The following MRPL43 variants were observed in gnomAD, a reference collection of about 807,000 sequenced individuals.
MRPL43 encodes large ribosomal subunit protein mL43.
Under a neutral mutation model 12.7 loss-of-function variants are expected in MRPL43, and 9 were observed. The observed-to-expected ratio is 0.71, with a 90% CI of 0.43 to 1.24. The LOEUF (loss-of-function observed/expected upper bound fraction) is 1.24. MRPL43 is among the 50% of genes most tolerant of loss of function. The probability of loss-of-function intolerance (pLI) is 0.00; values close to 1 mark genes in which losing one functional copy is unlikely to be tolerated. For synonymous variants in MRPL43, 116 were observed against 96.4 expected (o/e 1.20, Z -1.19); for missense variants, 211 against 229.2 (o/e 0.92, Z 0.51).
downstream of MRPL43, chr10:100,980,808 T>C (rs1851033039): frequency 8.3e-6 from 13 of 1,560,138 alleles, no homozygotes; most frequent in Non-Finnish European, 1.1e-5. Context: ...CCAACTGTCC[T>C]ATCTGGCTCC....
downstream of MRPL43, chr10:100,984,896 G>C (rs960318556): frequency 6.1e-6 from 9 of 1,463,798 alleles, no homozygotes; most frequent in Middle Eastern, 5.3e-4. Flanking sequence ...GAGTATGAGA[G>C]ACAGAGCTCC....
chr10:100,984,910 C>T, downstream of MRPL43: 1 of 1,453,794 alleles, frequency 6.9e-7, no homozygotes, highest in South Asian at 1.4e-5. Context: ...GAGCTCCAGG[C>T]ATGTCCCATC....
chr10:100,986,089 T>C (rs775966465), downstream of MRPL43, among the ~76,000 whole-genome samples: 45 of 152,310 alleles, frequency 3.0e-4, no homozygotes, highest in Middle Eastern at 6.8e-3. Context: ...CAGAGAAAGC[T>C]TGTCAGCCAG....
rs759053574 is a variant in MRPL43, at chr10:100,986,976, C to T, written c.239-1G>A. 6.2e-7 allele frequency: 1 copy of T among 1,606,304 alleles called. No homozygotes were observed. The highest frequency in any genetic ancestry group is 8.5e-7 in the Non-Finnish European group (1 of 1,179,898). ...CTCTCCTCGCGCACAGCCCCGTTAA[C>T]TGGCAGAAGAGGGGTGAGAGTGGGT... On this transcript the variant is annotated splice_acceptor_variant, in intron 2 of 2. Transcript: ENST00000318364. LOFTEE classifies it high-confidence loss of function.
downstream of MRPL43, chr10:100,981,218 G>C: frequency 1.9e-6 from 3 of 1,614,246 alleles, no homozygotes; most frequent in Non-Finnish European, 2.5e-6. Flanking sequence ...TGTGAGAGCA[G>C]CAGGGATACA....
chr10:100,987,199 A>G lies in MRPL43; in HGVS notation c.132-3T>C, dbSNP rs774135324. On this transcript the variant is annotated splice_region_variant and splice_polypyrimidine_tract_variant and intron_variant, in intron 1 of 2. Coordinates refer to ENST00000318364, the MANE Select transcript of MRPL43 (RefSeq NM_032112.3). Reference sequence around the variant, plus strand: ...TCACCTCCCGCTCCACGAACTCCCTAAGCGACCCGGGACAGTGAGCAGTAT... The same window carrying G: ...TCACCTCCCGCTCCACGAACTCCCTGAGCGACCCGGGACAGTGAGCAGTAT... 70 of 1,613,528 alleles carry G rather than the reference A, an allele frequency of 4.3e-5. No individual in the cohort carries two copies. The highest frequency in any genetic ancestry group is 5.9e-5 in the Non-Finnish European group (70 of 1,179,996).
chr10:100,984,839 T>C, downstream of MRPL43: 2 of 1,508,482 alleles, frequency 1.3e-6, no homozygotes, highest in Non-Finnish European at 1.8e-6. Flanking sequence ...TCCCTTCCTG[T>C]GTGGCCCTTG....
downstream of MRPL43, among the ~76,000 whole-genome samples, chr10:100,982,874 G>C (rs1851172594): frequency 1.3e-5 from 2 of 152,236 alleles, no homozygotes; most frequent in African/African-American, 4.8e-5. Flanking sequence ...TGTGTGGCTG[G>C]TGGTGCCATT....
chr10:100,980,092 G>A (rs779373894), downstream of MRPL43: 12 of 1,613,030 alleles, frequency 7.4e-6, no homozygotes, highest in East Asian at 6.7e-5. Context: ...GTGGAGTCCC[G>A]AGGTTCACCA....
At chr10:100,981,410 T>C, downstream of MRPL43, 1 of 1,613,624 alleles carries the variant, frequency 6.2e-7, no homozygotes, top group Non-Finnish European at 8.5e-7. Flanking sequence ...CCCAAATGAA[T>C]TATAAACTAG....
At chr10:100,986,229 G>A (rs930194971), downstream of MRPL43, 5 of 1,097,722 alleles carry the variant, frequency 4.6e-6, no homozygotes, top group South Asian at 4.6e-5. Flanking sequence ...TGAAAACTGA[G>A]GCTTGTGCTT....
downstream of MRPL43, chr10:100,984,813 C>T (rs1431132181): frequency 6.5e-7 from 1 of 1,532,200 alleles, no homozygotes; most frequent in Admixed American, 2.0e-5. Context: ...GGTAAGACTG[C>T]ATCACTCCCC....
In MRPL43 at chr10:100,986,529, T is replaced by C. The variant is rs1248453854; in HGVS notation, c.*205A>G. The C allele has an allele frequency of 6.4e-7, 1 of 1,553,238 alleles. No homozygotes were observed. Among genetic ancestry groups the C allele is most frequent in the East Asian group, 2.4e-5 (1 of 40,964 alleles). On this transcript the variant is annotated 3_prime_UTR_variant, in exon 3 of 3. Transcript: ENST00000318364. Reference sequence around the variant, plus strand: ...TCAGGTTTTAGGGATGCCACTTGCATAAAAATGAGTGGTTCACAAGGTCAC... The same window carrying C: ...TCAGGTTTTAGGGATGCCACTTGCACAAAAATGAGTGGTTCACAAGGTCAC...
Position 100,986,372 on chromosome 10 carries a change from G to A in MRPL43, c.*362C>T. ...ACAGCAGAGCTCTCCGTAGCTCAGT[G>A]GTTGTTCCAATAAGACATCAGGGAT... On this transcript the variant is annotated 3_prime_UTR_variant, in exon 3 of 3. Transcript: ENST00000318364. 1.4e-6 allele frequency: 2 copies of A among 1,458,830 alleles called. No individual in the cohort carries two copies. The highest frequency in any genetic ancestry group is 1.8e-6 in the Non-Finnish European group (2 of 1,110,164). 90.4% of individuals were successfully genotyped at this position (1,458,830 alleles called of 1,614,324 possible). A position where few individuals can be genotyped will look rare whatever the true frequency, so the allele number is the denominator to read the frequency against.
At chr10:100,985,414 A>T (rs377579383), downstream of MRPL43, 1 of 153,082 alleles carries the variant, frequency 6.5e-6, no homozygotes, top group African/African-American at 2.4e-5. Context: ...GAGAACGTGG[A>T]ATCCCACGGG....
At chr10:100,982,954 A>C (rs924508652), downstream of MRPL43, among the ~76,000 whole-genome samples, 10 of 152,234 alleles carry the variant, frequency 6.6e-5, no homozygotes, top group African/African-American at 2.4e-4. Flanking sequence ...TGAGGTGTCC[A>C]AGAGACCTCA....
chr10:100,979,987 G>A, downstream of MRPL43: 12 of 1,614,042 alleles, frequency 7.4e-6, no homozygotes, highest in Non-Finnish European at 1.0e-5. Context: ...GCCCCGGCCT[G>A]GCTCGGTGAG....
downstream of MRPL43, chr10:100,985,189 T>A: frequency 2.9e-6 from 1 of 340,340 alleles, no homozygotes; most frequent in Non-Finnish European, 5.4e-6. Flanking sequence ...GGAGGAGAAA[T>A]CTGATGTCTC....
chr10:100,981,105 C>T (rs1233850411), downstream of MRPL43: 3 of 1,609,234 alleles, frequency 1.9e-6, no homozygotes, highest in African/African-American at 1.3e-5. Context: ...GACCTATCTA[C>T]CCTTTCACTG....
Sources: allele counts gnomAD v4.1 joint callset (sites outside exome capture counted in the v4.1 genomes callset), GRCh38; gene constraint gnomAD v4.1.1; transcripts MANE v1.5; gene names NCBI Gene and HGNC (gene_info 2026-07-23, HGNC 2026-07-21).